Variants in HERC4 observed in about 807,000 individuals in gnomAD.
HERC4 encodes probable E3 ubiquitin-protein ligase HERC4.
In HERC4, 28 loss-of-function variants were observed where a neutral mutation model predicts 124.3. The ratio of observed to expected loss-of-function variants is 0.23; its 90% CI spans 0.17 to 0.31. HERC4 has a LOEUF of 0.31. Ranked by LOEUF, HERC4 falls within the 10% of genes least tolerant of loss-of-function variation. The pLI is 1.00. For synonymous variants in HERC4, 407 were observed against 421.5 expected, an observed-to-expected ratio of 0.97 and a Z score of 0.42; for missense variants, 713 against 1,229.3, an observed-to-expected ratio of 0.58 and a Z score of 6.28.
At chr10:67,945,856 C>A (rs1322088468) in intron 19 of HERC4, among the ~76,000 whole-genome samples, 4 of 150,668 alleles carry the variant, frequency 2.7e-5, no homozygotes, top group African/African-American at 9.8e-5. Flanking sequence ...AAAAAGAAAT[C>A]AAAACATACC....
At chr10:67,982,620 C>T (rs143647917) in intron 15 of HERC4, among the ~76,000 whole-genome samples, 15 of 151,910 alleles carry the variant, frequency 9.9e-5, no homozygotes, top group Non-Finnish European at 1.3e-4. Context: ...AGTGGACAAA[C>T]GGGATTACAT....
chr10:67,968,432 G>A (rs1196770133), intron 15 of HERC4, among the ~76,000 whole-genome samples: 1 of 151,856 alleles, frequency 6.6e-6, no homozygotes, highest in Non-Finnish European at 1.5e-5. Context: ...GAATACAGTG[G>A]TGTGATCTCG....
intron 9 of HERC4, among the ~76,000 whole-genome samples, chr10:68,011,763 G>T (rs2037968725): frequency 6.6e-6 from 1 of 152,170 alleles, no homozygotes; most frequent in Non-Finnish European, 1.5e-5. Context: ...TGGTAAACAA[G>T]CACTGGCTTC....
intron 15 of HERC4, among the ~76,000 whole-genome samples, chr10:67,967,590 A>T (rs1227059404): frequency 6.6e-6 from 1 of 152,196 alleles, no homozygotes; most frequent in South Asian, 2.1e-4. Flanking sequence ...ATTAATTACA[A>T]AGATAAAAAC....
intron 7 of HERC4, among the ~76,000 whole-genome samples, chr10:68,029,356 G>C (rs1398074009): frequency 1.3e-5 from 2 of 152,074 alleles, no homozygotes; most frequent in Non-Finnish European, 2.9e-5. Context: ...GCCAGGTGTG[G>C]TGATGCATGC....
rs1423458500 is a variant in HERC4, at chr10:67,987,504, A to G, written c.1806+1159T>C. ...AATCCTCGGCAAACAGTACACAGAA[A>G]GGTAGAGACCCATCTCATGTAGTTA... On this transcript the variant is annotated intron_variant, in intron 15 of 24. Transcript: ENST00000373700. Among the ~76,000 whole-genome samples the G allele has an allele frequency of 3.3e-5, 5 of 152,310 alleles. No individual in the cohort carries two copies. The South Asian group carries it at 6.2e-4, about 19-fold the overall frequency.
chr10:68,015,159 A>G (rs2038188476), intron 8 of HERC4, among the ~76,000 whole-genome samples: 1 of 151,488 alleles, frequency 6.6e-6, no homozygotes, highest in Non-Finnish European at 1.5e-5. Flanking sequence ...TTGCCTCACA[A>G]GTGGCTTTAT....
intron 15 of HERC4, among the ~76,000 whole-genome samples, chr10:67,976,968 A>G (rs1367522307): frequency 6.6e-6 from 1 of 152,176 alleles, no homozygotes; most frequent in Non-Finnish European, 1.5e-5. Context: ...CTTCAAACAT[A>G]GTGCAGGCCA....
At chr10:68,074,656 T>A (rs1471557737) in intron 1 of HERC4, 1 of 151,918 alleles carries the variant, frequency 6.6e-6, no homozygotes, top group Non-Finnish European at 1.5e-5. Flanking sequence ...ACACCCAACC[T>A]CGCAGCCAAG....
intron 22 of HERC4, among the ~76,000 whole-genome samples, chr10:67,934,998 C>G (rs2032210694): frequency 6.9e-6 from 1 of 144,754 alleles, no homozygotes; most frequent in Non-Finnish European, 1.5e-5. Flanking sequence ...TTGTATGCAT[C>G]TGGATGTCAC....
chr10:68,069,801 G>A lies in HERC4; in HGVS notation c.226+3082C>T, dbSNP rs973617277. 4.3e-5 allele frequency: 40 copies of A among 925,040 alleles called. 1 individual carries two copies. The Middle Eastern group carries it at 2.2e-3, about 51-fold the overall frequency. 57.3% of individuals were successfully genotyped at this position (925,040 alleles called of 1,614,324 possible). On this transcript the variant is annotated intron_variant, in intron 3 of 24. Transcript: ENST00000373700. ...CTCACGCCTGTAATCCCAGCACTCTGGGAGGCCAAGGCGGGCAGATCACAA... is the reference window on the plus strand; with the variant it reads ...CTCACGCCTGTAATCCCAGCACTCTAGGAGGCCAAGGCGGGCAGATCACAA...
intron 8 of HERC4, among the ~76,000 whole-genome samples, chr10:68,018,420 T>C (rs932739124): frequency 2.6e-5 from 4 of 152,194 alleles, no homozygotes; most frequent in African/African-American, 9.6e-5. Context: ...AACATGATAC[T>C]TAACTATGAA....
chr10:68,019,335 G>C (rs1288840362), intron 8 of HERC4, among the ~76,000 whole-genome samples: 1 of 152,074 alleles, frequency 6.6e-6, no homozygotes, highest in Non-Finnish European at 1.5e-5. Flanking sequence ...ATAACAAGGA[G>C]TCACTTTACC....
In HERC4 at chr10:68,073,140, T is replaced by C; in HGVS notation, c.-32A>G. 1 of 1,575,944 alleles carries C rather than the reference T, an allele frequency of 6.3e-7. No individual in the cohort carries two copies. Among genetic ancestry groups the C allele is most frequent in the Non-Finnish European group, 8.7e-7 (1 of 1,155,802 alleles). On this transcript the variant is annotated 5_prime_UTR_variant, in exon 3 of 25. Transcript: ENST00000373700. ...AATTATTTTGGTCTTCCAGTTTCAA[T>C]AAAAAATTCTCTTCTGAAACCCCGG...
intron 8 of HERC4, among the ~76,000 whole-genome samples, chr10:68,019,938 G>A (rs771174512): frequency 7.9e-5 from 12 of 152,106 alleles, no homozygotes; most frequent in Non-Finnish European, 1.6e-4. Flanking sequence ...GAATTCAAAG[G>A]GCTGATGCCT....
intron 9 of HERC4, chr10:68,010,960 C>A: frequency 1.1e-6 from 1 of 943,082 alleles, no homozygotes. Flanking sequence ...CTTGTTATTT[C>A]CACCATATCT....
In HERC4 at chr10:67,938,711, C is replaced by T. The variant is rs540404236; in HGVS notation, c.2571+877G>A. Among the ~76,000 whole-genome samples, 70 of 152,034 alleles carry T rather than the reference C, an allele frequency of 4.6e-4. 2 individuals are homozygous for T. The South Asian group carries it at 9.2e-3, about 20-fold the overall frequency. ...CTGTAATGCCAGCACTTCGGGAGGCCGAGGCGGGTGGATCATGAGGTCAGG... is the reference window on the plus strand; with the variant it reads ...CTGTAATGCCAGCACTTCGGGAGGCTGAGGCGGGTGGATCATGAGGTCAGG... On this transcript the variant is annotated intron_variant, in intron 21 of 24. Transcript: ENST00000373700.
intron 23 of HERC4, among the ~76,000 whole-genome samples, chr10:67,927,481 A>C (rs748255928): frequency 3.1e-4 from 37 of 118,226 alleles, no homozygotes; most frequent in Non-Finnish European, 5.7e-4. Context: ...GCTGGAATAC[A>C]GTGGCACGAT....
At chr10:68,017,400 A>T (rs997505428) in intron 8 of HERC4, among the ~76,000 whole-genome samples, 2 of 152,264 alleles carry the variant, frequency 1.3e-5, no homozygotes, top group African/African-American at 4.8e-5. Context: ...AGAAACAAAT[A>T]AACATTTACT....
Sources: gnomAD v4.1 joint callset for allele counts (sites outside exome capture counted in the v4.1 genomes callset) on GRCh38, gnomAD v4.1.1 for gene constraint, MANE v1.5 for transcripts, NCBI Gene and HGNC (gene_info 2026-07-23, HGNC 2026-07-21) for gene names.